The following ABCG2 variants were observed in gnomAD, a reference collection of about 807,000 sequenced individuals.
ABCG2 encodes the protein ATP binding cassette subfamily G member 2 (JR blood group).
ABCG2 carries 80 observed loss-of-function variants against 73.5 expected under a neutral mutation model. That is an observed-to-expected ratio of 1.09 (90% CI 0.91 to 1.31). The LOEUF (loss-of-function observed/expected upper bound fraction) is 1.31, where lower values mean the gene tolerates loss of function less well. Among genes scored for constraint, ABCG2 ranks in the 50% most tolerant of loss-of-function variants. The pLI, the probability that ABCG2 is intolerant of heterozygous loss-of-function variation, is 0.00. For synonymous variants in ABCG2, 269 were observed against 282.4 expected, an observed-to-expected ratio of 0.95 and a Z score of 0.48; for missense variants, 796 against 786.2, an observed-to-expected ratio of 1.01 and a Z score of -0.15.
intron 1 of ABCG2, among the ~76,000 whole-genome samples, chr4:88,197,208 A>AC (rs1363874988): frequency 6.6e-6 from 1 of 152,122 alleles, no homozygotes; most frequent in South Asian, 2.1e-4. Flanking sequence ...AAAAAAAAAA[A>AC]AACAAGGCAT....
chr4:88,155,260 T>C (rs979354235), intron 1 of ABCG2, among the ~76,000 whole-genome samples: 2 of 152,264 alleles, frequency 1.3e-5, no homozygotes, highest in African/African-American at 2.4e-5. Context: ...AGTTGTTTTG[T>C]AGAAGGTGTT....
chr4:88,098,610 G>GTATATA lies in ABCG2; in HGVS notation c.1492+708_1492+713dup, dbSNP rs141581489. Among the ~76,000 whole-genome samples, 9 of 148,724 alleles carry GTATATA rather than the reference G, an allele frequency of 6.1e-5. No homozygotes were observed. The East Asian group carries it at 1.4e-3, about 23-fold the overall frequency. Reference sequence around the variant, plus strand: ...TCTATATATCTCTAAGTGTGTGTGTGTATATATATATACATATATAGAGAG... The same window carrying GTATATA: ...TCTATATATCTCTAAGTGTGTGTGTGTATATATATATATATATACATATATAGAGAG... On this transcript the variant is annotated intron_variant, in intron 12 of 15. Transcript: ENST00000237612.
chr4:88,218,705 T>C (rs953246218), intron 1 of ABCG2, among the ~76,000 whole-genome samples: 3 of 152,246 alleles, frequency 2.0e-5, no homozygotes, highest in Admixed American at 2.0e-4. Context: ...TGTTCAGTTT[T>C]CCATTCCTGA....
At chr4:88,193,695 T>C (rs1282143523) in intron 1 of ABCG2, among the ~76,000 whole-genome samples, 1 of 152,220 alleles carries the variant, frequency 6.6e-6, no homozygotes, top group Non-Finnish European at 1.5e-5. Flanking sequence ...AAGGCTGCCA[T>C]GAATGTAGAT....
At chr4:88,171,896 A>G (rs1159737752) in intron 1 of ABCG2, among the ~76,000 whole-genome samples, 1 of 152,138 alleles carries the variant, frequency 6.6e-6, no homozygotes, top group African/African-American at 2.4e-5. Flanking sequence ...AAGCAGGAGG[A>G]TCACTTGAGG....
At chr4:88,188,885 C>T (rs983472549) in intron 1 of ABCG2, among the ~76,000 whole-genome samples, 9 of 151,808 alleles carry the variant, frequency 5.9e-5, no homozygotes, top group African/African-American at 1.9e-4. Flanking sequence ...TGGTGGTGCA[C>T]GCCTGTAATC....
chr4:88,191,775 A>G (rs1262476031), intron 1 of ABCG2, among the ~76,000 whole-genome samples: 5 of 152,240 alleles, frequency 3.3e-5, no homozygotes, highest in Non-Finnish European at 7.3e-5. Context: ...ATCGTTCAGC[A>G]ATCAAAATTA....
intron 1 of ABCG2, among the ~76,000 whole-genome samples, chr4:88,148,061 G>A (rs1726173521): frequency 6.6e-6 from 1 of 152,130 alleles, no homozygotes; most frequent in African/African-American, 2.4e-5. Flanking sequence ...GAGGTGGGAG[G>A]GTTTAGAAGC....
intron 1 of ABCG2, among the ~76,000 whole-genome samples, chr4:88,151,943 G>C (rs1313100008): frequency 1.3e-5 from 2 of 152,156 alleles, no homozygotes; most frequent in Admixed American, 6.6e-5. Flanking sequence ...CACGGGTACA[G>C]TTACCATCTC....
chr4:88,101,236 A>G lies in ABCG2; in HGVS notation c.1361T>C (p.Leu454Pro). ...AGAACAAAGACCTACTCACATGAAG[A>G]GCTTCTTCTCTACCACAAAGAGTTC... ...AVELFVVEKK[L>P]FIHEYISGYY... The change falls in exon 11 of 16, where the codon CTC (leucine) becomes CCC (proline). Residue 454 changes from leucine to proline, a missense_variant. Coordinates refer to ENST00000237612, the MANE Select transcript of ABCG2 (RefSeq NM_004827.3). The G allele has an allele frequency of 6.2e-7, 1 of 1,614,008 alleles. No homozygotes were observed. The highest frequency in any genetic ancestry group is 8.5e-7 in the Non-Finnish European group (1 of 1,179,944).
At chr4:88,177,177 T>C (rs1321667520) in intron 1 of ABCG2, among the ~76,000 whole-genome samples, 1 of 151,756 alleles carries the variant, frequency 6.6e-6, no homozygotes, top group Non-Finnish European at 1.5e-5. Context: ...TCGAGACCAT[T>C]CTGGCTAATA....
upstream of ABCG2, chr4:88,158,948 G>A: frequency 5.7e-6 from 2 of 348,386 alleles, no homozygotes; most frequent in Non-Finnish European, 1.1e-5. Context: ...CCCCAGGTCG[G>A]GGTTCGCGGG....
At chr4:88,157,095 C>G (rs1726995273) in intron 1 of ABCG2, among the ~76,000 whole-genome samples, 1 of 152,084 alleles carries the variant, frequency 6.6e-6, no homozygotes, top group African/African-American at 2.4e-5. Context: ...AAGCAAGACT[C>G]AGTCTCAAAA....
At chr4:88,210,358 T>C (rs1006671029) in intron 1 of ABCG2, among the ~76,000 whole-genome samples, 2 of 152,086 alleles carry the variant, frequency 1.3e-5, no homozygotes, top group Non-Finnish European at 2.9e-5. Flanking sequence ...TGGCTAGTAA[T>C]GCAATATTTT....
intron 1 of ABCG2, among the ~76,000 whole-genome samples, chr4:88,145,797 G>A (rs527945014): frequency 7.3e-5 from 11 of 150,844 alleles, no homozygotes; most frequent in South Asian, 2.1e-4. Context: ...AAAATTAGCC[G>A]GGCGTGGTGG....
chr4:88,153,880 G>A (rs1317440813), intron 1 of ABCG2, among the ~76,000 whole-genome samples: 3 of 152,146 alleles, frequency 2.0e-5, no homozygotes, highest in Non-Finnish European at 4.4e-5. Context: ...TTCCTGAGGA[G>A]TAGTAGAATA....
chr4:88,099,534 C>T (rs1722251576), intron 11 of ABCG2, 86 bp from the exon 12 acceptor site: 1 of 1,391,236 alleles, frequency 7.2e-7, no homozygotes, highest in African/African-American at 1.5e-5. Context: ...CAGACCTCTG[C>T]TGACAGCAGG....
chr4:88,109,289 T>C (rs945981756), intron 9 of ABCG2, among the ~76,000 whole-genome samples: 3 of 152,190 alleles, frequency 2.0e-5, no homozygotes, highest in Non-Finnish European at 4.4e-5. Context: ...TGAGCCACCA[T>C]GCCCGGCCCA....
intron 1 of ABCG2, among the ~76,000 whole-genome samples, chr4:88,153,877 G>T (rs191653187): frequency 6.6e-6 from 1 of 152,128 alleles, no homozygotes; most frequent in East Asian, 1.9e-4. Context: ...AAATTCCTGA[G>T]GAGTAGTAGA....
Sources: gnomAD v4.1 joint callset for allele counts (sites outside exome capture counted in the v4.1 genomes callset) on GRCh38, gnomAD v4.1.1 for gene constraint, MANE v1.5 for transcripts, NCBI Gene and HGNC (gene_info 2026-07-23, HGNC 2026-07-21) for gene names.